Variants in DCAF12 observed in about 807,000 individuals in gnomAD.
DCAF12 encodes the protein DDB1 and CUL4 associated factor 12.
A neutral mutation model predicts 52.8 loss-of-function variants in DCAF12; 28 were observed. That is an observed-to-expected ratio of 0.53 (90% CI 0.39 to 0.73). DCAF12 has a LOEUF of 0.73. Among genes scored for constraint, DCAF12 ranks in the 30% least tolerant of loss-of-function variants. The pLI, the probability that DCAF12 is intolerant of heterozygous loss-of-function variation, is 0.00. For synonymous variants in DCAF12, 196 were observed against 215.5 expected, an observed-to-expected ratio of 0.91 and a Z score of 0.79; for missense variants, 425 against 552.2, an observed-to-expected ratio of 0.77 and a Z score of 2.31.
chr9:34,122,023 T>C (rs548329193), intron 2 of DCAF12, among the ~76,000 whole-genome samples: 10 of 152,232 alleles, frequency 6.6e-5, no homozygotes, highest in Non-Finnish European at 1.5e-4. Context: ...TTTTCCTGAG[T>C]TCCCTGCTCC....
chr9:34,120,690 A>G (rs200790840), intron 2 of DCAF12, among the ~76,000 whole-genome samples: 31,714 of 149,940 alleles, frequency 0.21, 3,551 homozygotes, highest in Middle Eastern at 0.27. Context: ...AAAAAAAAGA[A>G]AACAAAGCAA....
chr9:34,102,304 C>T (rs1039485053), intron 4 of DCAF12, among the ~76,000 whole-genome samples: 9 of 151,582 alleles, frequency 5.9e-5, no homozygotes, highest in Non-Finnish European at 1.3e-4. Context: ...AGAATAATGA[C>T]TGTTTTATAT....
chr9:34,097,052 A>G (rs929966184), intron 5 of DCAF12, among the ~76,000 whole-genome samples: 1 of 152,132 alleles, frequency 6.6e-6, no homozygotes, highest in African/African-American at 2.4e-5. Context: ...GGAGAGTTAA[A>G]GCAGGGCACA....
At chr9:34,103,408 A>C (rs1189040603) in intron 4 of DCAF12, among the ~76,000 whole-genome samples, 1 of 151,670 alleles carries the variant, frequency 6.6e-6, no homozygotes, top group Non-Finnish European at 1.5e-5. Context: ...TCCATCTCAA[A>C]AAAAAAAAAG....
At chr9:34,108,162 T>A (rs907263635) in intron 2 of DCAF12, among the ~76,000 whole-genome samples, 1 of 152,190 alleles carries the variant, frequency 6.6e-6, no homozygotes, top group African/African-American at 2.4e-5. Flanking sequence ...TCCACCTCTT[T>A]ACCCTCCAAG....
chr9:34,093,637 CG>C (rs1014963281), intron 6 of DCAF12, 189 bp from the exon 7 acceptor site: 1 of 584,766 alleles, frequency 1.7e-6, no homozygotes, highest in African/African-American at 1.9e-5. Flanking sequence ...TGTTAATAAA[CG>C]GTAAGACCTA....
At chr9:34,100,540 G>T (rs1439009454) in intron 4 of DCAF12, among the ~76,000 whole-genome samples, 1 of 149,436 alleles carries the variant, frequency 6.7e-6, no homozygotes, top group Non-Finnish European at 1.5e-5. Flanking sequence ...TGTTGCCCAG[G>T]CTGGAGTGGA....
chr9:34,105,863 C>G (rs1243157259), intron 4 of DCAF12, among the ~76,000 whole-genome samples: 4 of 151,504 alleles, frequency 2.6e-5, no homozygotes, highest in African/African-American at 4.9e-5. Context: ...ATTCTCCTGC[C>G]TCAGTCTCCT....
At chr9:34,088,563 G>A in intron 8 of DCAF12, 55 bp from the exon 9 acceptor site, 1 of 1,597,114 alleles carries the variant, frequency 6.3e-7, no homozygotes, top group Non-Finnish European at 8.6e-7. Context: ...GGCAGGAAAA[G>A]GGGGAGGAAG....
At chr9:34,120,290 G>A (rs560723513) in intron 2 of DCAF12, among the ~76,000 whole-genome samples, 69 of 150,640 alleles carry the variant, frequency 4.6e-4, no homozygotes, top group Middle Eastern at 3.5e-3. Flanking sequence ...TGGGGCAGGA[G>A]GATCCCTTGG....
chr9:34,091,374 C>T (rs1369575194), intron 7 of DCAF12, among the ~76,000 whole-genome samples: 1 of 151,962 alleles, frequency 6.6e-6, no homozygotes, highest in Non-Finnish European at 1.5e-5. Flanking sequence ...TGGCTCACGG[C>T]TGTAATCCCT....
chr9:34,121,060 G>C (rs1475282807), intron 2 of DCAF12, among the ~76,000 whole-genome samples: 1 of 151,746 alleles, frequency 6.6e-6, no homozygotes, highest in African/African-American at 2.4e-5. Flanking sequence ...AGGCAGAGGT[G>C]AGAGAATCAC....
intron 5 of DCAF12, among the ~76,000 whole-genome samples, chr9:34,097,925 C>T (rs1039374973): frequency 6.8e-5 from 9 of 132,958 alleles, no homozygotes. Flanking sequence ...AGGAGCAAAA[C>T]ACAGTCTCAA....
chr9:34,113,782 C>A (rs927139487), intron 2 of DCAF12, among the ~76,000 whole-genome samples: 7 of 152,234 alleles, frequency 4.6e-5, no homozygotes, highest in African/African-American at 1.7e-4. Context: ...CGGAATCAGC[C>A]GAAGTGTGCA....
chr9:34,110,475 A>G (rs1398610180), intron 2 of DCAF12, among the ~76,000 whole-genome samples: 1 of 152,156 alleles, frequency 6.6e-6, no homozygotes, highest in Non-Finnish European at 1.5e-5. Flanking sequence ...ACCGCTATCA[A>G]AATTATTCTA....
At chr9:34,126,259 C>A in intron 1 of DCAF12, 95 bp downstream of exon 1, 1 of 1,485,520 alleles carries the variant, frequency 6.7e-7, no homozygotes, top group South Asian at 1.2e-5. Flanking sequence ...TGACTGCAGA[C>A]CCTGGACCCC....
intron 2 of DCAF12, among the ~76,000 whole-genome samples, chr9:34,115,912 G>C (rs992632418): frequency 2.6e-5 from 4 of 152,114 alleles, no homozygotes; most frequent in Non-Finnish European, 5.9e-5. Flanking sequence ...GTAGTTCACT[G>C]CATGAATATA....
intron 6 of DCAF12, 135 bp from the exon 7 acceptor site, chr9:34,093,583 C>T (rs1828684175): frequency 1.2e-6 from 1 of 860,836 alleles, no homozygotes; most frequent in East Asian, 2.7e-5. Flanking sequence ...ACAGAAATAA[C>T]ACTCTGTTCC....
At chr9:34,114,480 T>C (rs1002832778) in intron 2 of DCAF12, among the ~76,000 whole-genome samples, 1 of 152,014 alleles carries the variant, frequency 6.6e-6, no homozygotes, top group Non-Finnish European at 1.5e-5. Context: ...AATGAACCAC[T>C]TGAAGGATAG....
Sources: allele counts gnomAD v4.1 joint callset (sites outside exome capture counted in the v4.1 genomes callset), GRCh38; gene constraint gnomAD v4.1.1; transcripts MANE v1.5; gene names NCBI Gene and HGNC (gene_info 2026-07-23, HGNC 2026-07-21).